The following TPST1 variants were observed in gnomAD, a reference collection of about 807,000 sequenced individuals.
The protein encoded by TPST1 is protein-tyrosine sulfotransferase 1.
TPST1 carries 20 observed loss-of-function variants against 34.8 expected under a neutral mutation model. The observed-to-expected ratio is 0.57, with a 90% confidence interval of 0.40 to 0.84. TPST1 has a LOEUF of 0.84. TPST1 is among the 40% of genes least tolerant of loss of function. The pLI, the probability that TPST1 is intolerant of heterozygous loss-of-function variation, is 0.00. For missense variants in TPST1, 353 were observed against 455.5 expected, an observed-to-expected ratio of 0.78 and a Z score of 2.05; for synonymous variants, 152 against 159.4, an observed-to-expected ratio of 0.95 and a Z score of 0.35.
intron 2 of TPST1, among the ~76,000 whole-genome samples, chr7:66,277,261 T>G (rs1790838463): frequency 6.6e-6 from 1 of 152,210 alleles, no homozygotes; most frequent in Non-Finnish European, 1.5e-5. Flanking sequence ...TATAGTCACT[T>G]TTTGGTTTGA....
chr7:66,306,778 T>A lies in TPST1; in HGVS notation c.1044+20069T>A, dbSNP rs569612645. On this transcript the variant is annotated intron_variant, in intron 3 of 5. Transcript: ENST00000304842. ...CCCAGGCTGGAGTGCAGTGGCACAA[T>A]CTTGTCTCACTGAAACCTCCCCCTC... 2.6e-5 allele frequency among the ~76,000 whole-genome samples: 4 copies of A among 152,324 alleles called. No homozygotes were observed. The East Asian group carries it at 7.7e-4, about 29-fold the overall frequency.
intron 3 of TPST1, among the ~76,000 whole-genome samples, chr7:66,312,922 G>C (rs1000464): frequency 0.64 from 97,769 of 151,910 alleles, 31,849 homozygotes; most frequent in African/African-American, 0.74. Context: ...GATCAAATGT[G>C]TCATTGTGGA....
chr7:66,336,815 CA>C (rs531012321), intron 3 of TPST1, among the ~76,000 whole-genome samples: 233 of 152,078 alleles, frequency 1.5e-3, no homozygotes, highest in African/African-American at 5.3e-3. Context: ...ATCTGGTTAA[CA>C]AAAATCAAAG....
Position 66,321,533 on chromosome 7 carries a change from A to G in TPST1, c.1045-30972A>G, listed in dbSNP as rs184896066. ...CTATGATAGGAGGCAGCCAATAGCC[A>G]GTCCTGAAAACAGGCCTGTCTTGGG... On this transcript the variant is annotated intron_variant, in intron 3 of 5. Transcript: ENST00000304842. Among the ~76,000 whole-genome samples, 188 of 152,388 alleles carry G rather than the reference A, an allele frequency of 1.2e-3. 1 individual carries two copies. The highest frequency in any genetic ancestry group is 2.1e-3 in the Non-Finnish European group (143 of 68,034).
intron 2 of TPST1, among the ~76,000 whole-genome samples, chr7:66,266,933 C>A (rs984594329): frequency 2.6e-5 from 4 of 152,072 alleles, no homozygotes; most frequent in Non-Finnish European, 4.4e-5. Flanking sequence ...ACTGTCCTAT[C>A]TAGGTGGTGG....
chr7:66,329,809 C>T (rs6958294), intron 3 of TPST1, among the ~76,000 whole-genome samples: 1 of 151,940 alleles, frequency 6.6e-6, no homozygotes, highest in Non-Finnish European at 1.5e-5. Context: ...GTTTGGATGG[C>T]GCTTGAGGCC....
chr7:66,337,231 G>C (rs1328869011), intron 3 of TPST1, among the ~76,000 whole-genome samples: 1 of 148,990 alleles, frequency 6.7e-6, no homozygotes. Flanking sequence ...GAAAAATTCA[G>C]AATATTGTAA....
At chr7:66,352,654 G>A in intron 4 of TPST1, 99 bp downstream of exon 4, 1 of 1,556,424 alleles carries the variant, frequency 6.4e-7, no homozygotes, top group Non-Finnish European at 8.6e-7. Context: ...ACAGAAACAA[G>A]AAAACCAAAA....
In TPST1 at chr7:66,229,117, C is replaced by CTT. The variant is rs35107589; in HGVS notation, c.-101-11198_-101-11197dup. On this transcript the variant is annotated intron_variant, in intron 1 of 5. Transcript: ENST00000304842. ...ATGAAAGGAATAATTTTGAGACTGG[C>CTT]TTTTTTTTTTTCTGAGACAGTCTCG... Among the ~76,000 whole-genome samples, 487 of 148,112 alleles carry CTT rather than the reference C, an allele frequency of 3.3e-3. 3 individuals carry two copies. The highest frequency in any genetic ancestry group is 8.3e-3 in the African/African-American group (335 of 40,348).
chr7:66,217,743 C>T (rs1357256832), intron 1 of TPST1, among the ~76,000 whole-genome samples: 1 of 151,906 alleles, frequency 6.6e-6, no homozygotes, highest in Non-Finnish European at 1.5e-5. Flanking sequence ...TGCCACCATG[C>T]CTGGCTAATT....
upstream of TPST1, among the ~76,000 whole-genome samples, chr7:66,204,196 G>A (rs1789073913): frequency 6.6e-6 from 1 of 152,036 alleles, no homozygotes; most frequent in African/African-American, 2.4e-5. Context: ...GGTGATGTCT[G>A]TATAATGGAC....
intron 4 of TPST1, among the ~76,000 whole-genome samples, chr7:66,355,461 C>A (rs1445332043): frequency 9.3e-5 from 14 of 149,756 alleles, no homozygotes; most frequent in African/African-American, 3.0e-4. Flanking sequence ...GGAAAGATTG[C>A]GAGACTCCCT....
chr7:66,326,107 T>C (rs1791861331), intron 3 of TPST1, among the ~76,000 whole-genome samples: 1 of 152,204 alleles, frequency 6.6e-6, no homozygotes, highest in Non-Finnish European at 1.5e-5. Flanking sequence ...TGTAAATTGG[T>C]TTCAGAAACT....
intron 1 of TPST1, among the ~76,000 whole-genome samples, chr7:66,239,867 T>TTTTTG (rs565496187): frequency 5.9e-5 from 9 of 152,186 alleles, no homozygotes; most frequent in East Asian, 1.9e-4. Flanking sequence ...TACTCATTTG[T>TTTTTG]TTTTGTTTTG....
intron 3 of TPST1, among the ~76,000 whole-genome samples, chr7:66,341,753 G>A (rs1009468238): frequency 6.6e-6 from 1 of 152,096 alleles, no homozygotes; most frequent in African/African-American, 2.4e-5. Context: ...CCAAAAGAAA[G>A]AAAAATGTAC....
intron 1 of TPST1, among the ~76,000 whole-genome samples, chr7:66,212,312 A>G (rs982670720): frequency 6.6e-6 from 1 of 152,222 alleles, no homozygotes; most frequent in Non-Finnish European, 1.5e-5. Flanking sequence ...AGTAAGGAAT[A>G]TGCCTTAAGC....
At chr7:66,321,158 G>T (rs897740832) in intron 3 of TPST1, among the ~76,000 whole-genome samples, 2 of 152,206 alleles carry the variant, frequency 1.3e-5, no homozygotes, top group African/African-American at 4.8e-5. Context: ...AAAGGCACAT[G>T]GGCAAAGTCT....
intron 4 of TPST1, 62 bp from the exon 5 acceptor site, chr7:66,356,763 C>T (rs1792590297): frequency 1.2e-5 from 19 of 1,599,774 alleles, no homozygotes; most frequent in South Asian, 5.5e-5. Context: ...TCAGTGGGGA[C>T]GGTCACTTCT....
rs570931028 is a variant in TPST1, at chr7:66,307,442, T to G, written c.1044+20733T>G. On this transcript the variant is annotated intron_variant, in intron 3 of 5. Coordinates refer to ENST00000304842, the MANE Select transcript of TPST1 (RefSeq NM_003596.4). ...CCACTTCATTCACTTTAAAATGAAG[T>G]ACTTGACCAGAAGCAGTACTGTTTA... Among the ~76,000 whole-genome samples the G allele has an allele frequency of 4.3e-4, 65 of 152,312 alleles. No individual in the cohort carries two copies. The South Asian group carries it at 5.0e-3, about 12-fold the overall frequency.
Sources: allele counts gnomAD v4.1 joint callset (sites outside exome capture counted in the v4.1 genomes callset), GRCh38; gene constraint gnomAD v4.1.1; transcripts MANE v1.5; gene names NCBI Gene and HGNC (gene_info 2026-07-23, HGNC 2026-07-21).